PSMF1: variants seen among roughly 807,000 people sequenced by gnomAD.
PSMF1 encodes proteasome inhibitor subunit 1.
A neutral mutation model predicts 29.3 loss-of-function variants in PSMF1; 30 were observed. That is an observed-to-expected ratio of 1.02 (90% CI 0.77 to 1.39). The LOEUF (loss-of-function observed/expected upper bound fraction) is 1.39. Among genes scored for constraint, PSMF1 ranks in the 40% most tolerant of loss-of-function variants. PSMF1 has a pLI of 0.00. For synonymous variants in PSMF1, 134 were observed against 139.7 expected, an observed-to-expected ratio of 0.96 and a Z score of 0.29; for missense variants, 344 against 357.5, an observed-to-expected ratio of 0.96 and a Z score of 0.31.
chr20:1,164,948 C>T lies in PSMF1; in HGVS notation c.765-81C>T. 2 of 1,204,612 alleles carry T rather than the reference C, an allele frequency of 1.7e-6. No individual in the cohort carries two copies. The highest frequency in any genetic ancestry group is 2.5e-6 in the Non-Finnish European group (2 of 812,092). 74.6% of individuals were successfully genotyped at this position (1,204,612 alleles called of 1,614,324 possible). ...GCCACATCATGTTGAAGGGCAGGCT[C>T]CCTCAGTGCAGGGTCATGTCTGCCC... On this transcript the variant is annotated intron_variant, in intron 6 of 6. Transcript: ENST00000335877. The surrounding 1 kb of genome is among the most constrained non-coding windows in gnomAD (Gnocchi z 4.1).
rs1285018612 is a variant in PSMF1 at position 1,165,364 on chromosome 20, G to A, written c.*284G>A. 39 of 1,338,184 alleles carry A rather than the reference G, an allele frequency of 2.9e-5. No individual in the cohort carries two copies. The highest frequency in any genetic ancestry group is 1.0e-4 in the African/African-American group (7 of 67,802). The allele number at this position is 1,338,184 out of a possible 1,614,324, so 82.9% of individuals were successfully genotyped here. ...CTCTCCACTTCCCAAGGGAGACTCCGGCAACCTTCAGCAACATATATCCTC... is the reference window on the plus strand; with the variant it reads ...CTCTCCACTTCCCAAGGGAGACTCCAGCAACCTTCAGCAACATATATCCTC... On this transcript the variant is annotated 3_prime_UTR_variant, in exon 7 of 7. Transcript: ENST00000335877.
intron 4 of PSMF1, among the ~76,000 whole-genome samples, chr20:1,143,295 G>A (rs1359589000): frequency 6.6e-6 from 1 of 152,114 alleles, no homozygotes; most frequent in Non-Finnish European, 1.5e-5. Context: ...ATTGGCAGAG[G>A]GACAGACATA....
At position 1,167,770 on chromosome 20, in the gene PSMF1, A is replaced by T. The variant is rs1044516074; in HGVS notation, c.*2690A>T. 2 of 152,204 alleles carry T rather than the reference A, an allele frequency of 1.3e-5. No individual in the cohort carries two copies. Among genetic ancestry groups the T allele is most frequent in the African/African-American group, 4.8e-5 (2 of 41,444 alleles). The allele number at this position is 152,204 out of a possible 1,614,324, so 9.4% of individuals were successfully genotyped here. A position where few individuals can be genotyped will look rare whatever the true frequency, so the allele number is the denominator to read the frequency against. On this transcript the variant is annotated 3_prime_UTR_variant, in exon 7 of 7. Transcript: ENST00000335877. ...TTCTACAAAAAGGCTATTATGAGTAATGCAGCCAAGAACATTTGTGTACCA... is the reference window on the plus strand; with the variant it reads ...TTCTACAAAAAGGCTATTATGAGTATTGCAGCCAAGAACATTTGTGTACCA...
Position 1,164,526 on chromosome 20 carries a change from G to T in PSMF1, c.764+50G>T. 1 of 1,601,914 alleles carries T rather than the reference G, an allele frequency of 6.2e-7. No homozygotes were observed. The highest frequency in any genetic ancestry group is 8.5e-7 in the Non-Finnish European group (1 of 1,170,606). On this transcript the variant is annotated intron_variant, in intron 6 of 6. Transcript: ENST00000335877. The surrounding 1 kb of genome is among the most constrained non-coding windows in gnomAD (Gnocchi z 4.1). Reference sequence around the variant, plus strand: ...AGAAGTAGGACCTGATGGCAGCTTGGTTCAGTGTGGCAGCAATGAAGGTTT... The same window carrying T: ...AGAAGTAGGACCTGATGGCAGCTTGTTTCAGTGTGGCAGCAATGAAGGTTT...
In PSMF1 at chr20:1,163,227, T is replaced by C; in HGVS notation, c.605+44T>C. 6.3e-7 allele frequency: 1 copy of C among 1,598,832 alleles called. No individual in the cohort carries two copies. ...GTGGCAGCAACACAACTTGCTTTTG[T>C]GGCTTTTCAGCCCCAGCTCATCTTC... On this transcript the variant is annotated intron_variant, in intron 5 of 6. Transcript: ENST00000335877. This position sits in a 1 kb window ranked among gnomAD's most constrained non-coding sequence, Gnocchi z 6.1.
rs143405273 is a variant in PSMF1, at chr20:1,129,486, C to T, written c.365+1978C>T. 5.2e-3 allele frequency among the ~76,000 whole-genome samples: 797 copies of T among 152,368 alleles called. 2 individuals are homozygous for T. Among genetic ancestry groups the T allele is most frequent in the Middle Eastern group, 0.031 (9 of 294 alleles). On this transcript the variant is annotated intron_variant, in intron 3 of 6. Transcript: ENST00000335877. Reference sequence around the variant, plus strand: ...GGCCACTCCTCATTTCTCCTCCCCTCTTCCATGCAGCTTCTGTGTGAGGAG... The same window carrying T: ...GGCCACTCCTCATTTCTCCTCCCCTTTTCCATGCAGCTTCTGTGTGAGGAG...
intron 4 of PSMF1, among the ~76,000 whole-genome samples, chr20:1,151,769 A>C (rs759551946): frequency 2.0e-5 from 3 of 152,238 alleles, no homozygotes; most frequent in Non-Finnish European, 4.4e-5. Flanking sequence ...ATAGAAGGAA[A>C]GTTTTCAGAG....
intron 4 of PSMF1, among the ~76,000 whole-genome samples, chr20:1,155,323 C>T (rs1298860494): frequency 6.6e-6 from 1 of 152,244 alleles, no homozygotes; most frequent in African/African-American, 2.4e-5. Flanking sequence ...ACATCCCAGC[C>T]TGCAGCAGTC....
chr20:1,121,128 G>GTT (rs11478083), intron 1 of PSMF1, among the ~76,000 whole-genome samples: 14 of 149,572 alleles, frequency 9.4e-5, no homozygotes, highest in African/African-American at 2.9e-4. Context: ...CATTTTAATA[G>GTT]TTTTTTTTTT....
chr20:1,118,924 G>C, intron 1 of PSMF1, 22 bp downstream of exon 1: 1 of 1,612,622 alleles, frequency 6.2e-7, no homozygotes, highest in Middle Eastern at 1.7e-4. Context: ...AGCCGGCCAG[G>C]GTGGAGGAGG....
At position 1,168,576 on chromosome 20, in the gene PSMF1, C is replaced by G. The variant is rs1247263639; in HGVS notation, c.*3496C>G. Reference sequence around the variant, plus strand: ...AGTCATGAGTCTCTTGAGACTGAAACTCCAAGAATGTATTGTGCTCACAGT... The same window carrying G: ...AGTCATGAGTCTCTTGAGACTGAAAGTCCAAGAATGTATTGTGCTCACAGT... On this transcript the variant is annotated 3_prime_UTR_variant, in exon 7 of 7. Coordinates refer to ENST00000335877, the MANE Select transcript of PSMF1 (RefSeq NM_006814.5). Among the ~76,000 whole-genome samples the G allele has an allele frequency of 6.6e-6, 1 of 152,198 alleles. No individual in the cohort carries two copies. The highest frequency in any genetic ancestry group is 1.9e-4 in the East Asian group (1 of 5,190).
chr20:1,120,307 C>G (rs1024012115), intron 1 of PSMF1, among the ~76,000 whole-genome samples: 6 of 152,112 alleles, frequency 3.9e-5, no homozygotes, highest in African/African-American at 1.4e-4. Context: ...CAAATGGGCT[C>G]TAAGACTAGA....
chr20:1,157,955 A>G (rs976744001), intron 4 of PSMF1, among the ~76,000 whole-genome samples: 2 of 152,198 alleles, frequency 1.3e-5, no homozygotes, highest in South Asian at 2.1e-4. Flanking sequence ...GTTCTAGAGT[A>G]GTAGACTGAT....
In PSMF1 at chr20:1,170,254, A is replaced by G. The variant is rs2086776989; in HGVS notation, c.*5174A>G. On this transcript the variant is annotated 3_prime_UTR_variant, in exon 7 of 7. Coordinates refer to ENST00000335877, the MANE Select transcript of PSMF1 (RefSeq NM_006814.5). The stretch of plus-strand genomic sequence containing the variant: ...CAAGTTCTCCATGAGATTTGTGTAA[A>G]CTTAAAGTGAGAGAAGCTCACATGG... 6.6e-6 allele frequency among the ~76,000 whole-genome samples: 1 copy of G among 152,216 alleles called. No individual in the cohort carries two copies. The highest frequency in any genetic ancestry group is 2.4e-5 in the African/African-American group (1 of 41,440).
chr20:1,151,945 G>GA (rs1474585213), intron 4 of PSMF1, among the ~76,000 whole-genome samples: 23 of 152,182 alleles, frequency 1.5e-4, no homozygotes, highest in African/African-American at 5.3e-4. Context: ...TGTGAAGGGA[G>GA]AAAAGATGAA....
chr20:1,139,755 A>C (rs1342814064), intron 4 of PSMF1, among the ~76,000 whole-genome samples: 3 of 93,254 alleles, frequency 3.2e-5, no homozygotes, highest in East Asian at 4.5e-4. Flanking sequence ...AAAAAAAAAA[A>C]AACGATAAAA....
intron 4 of PSMF1, among the ~76,000 whole-genome samples, chr20:1,162,508 A>C (rs1000980377): frequency 2.6e-5 from 4 of 152,224 alleles, no homozygotes; most frequent in Non-Finnish European, 5.9e-5. Flanking sequence ...GAAAGCATGC[A>C]GTCATTTATG....
chr20:1,116,371 A>G (rs1033443870), upstream of PSMF1, among the ~76,000 whole-genome samples: 2 of 152,216 alleles, frequency 1.3e-5, no homozygotes, highest in African/African-American at 4.8e-5. Context: ...CACAGCCACT[A>G]GCTTTAGTGT....
upstream of PSMF1, among the ~76,000 whole-genome samples, chr20:1,116,035 C>CTTT (rs11473727): frequency 0.061 from 8,804 of 144,846 alleles, 312 homozygotes; most frequent in African/African-American, 0.084. Context: ...CTGGCCAGTA[C>CTTT]TTTTTTTTTT....
Sources: gnomAD v4.1 joint callset for allele counts (sites outside exome capture counted in the v4.1 genomes callset) on GRCh38, gnomAD v4.1.1 for gene constraint, Gnocchi (gnomAD v3.1) non-coding constraint, MANE v1.5 for transcripts, NCBI Gene and HGNC (gene_info 2026-07-23, HGNC 2026-07-21) for gene names.